TRIM17: variants seen among roughly 807,000 people sequenced by gnomAD.
TRIM17 encodes E3 ubiquitin-protein ligase TRIM17.
Under a neutral mutation model 35.8 loss-of-function variants are expected in TRIM17, and 27 were observed. The observed-to-expected ratio is 0.75, with a 90% CI of 0.56 to 1.04. The LOEUF is 1.04. Among genes scored for constraint, TRIM17 ranks in the 50% least tolerant of loss-of-function variants. TRIM17 has a pLI of 0.00. For synonymous variants in TRIM17, 246 were observed against 252.6 expected, an observed-to-expected ratio of 0.97 and a Z score of 0.25; for missense variants, 582 against 612.8, an observed-to-expected ratio of 0.95 and a Z score of 0.53.
In TRIM17 at chr1:228,416,688, G is replaced by A; in HGVS notation, c.-191C>T. On this transcript the variant is annotated 5_prime_UTR_variant, in exon 1 of 7. Transcript: ENST00000366698. ...GGTCGGGAGGCCTAGGGACTTTGTGGCGTCAGCGGGGGCTGGGGGGCGGCG... is the reference window on the plus strand; with the variant it reads ...GGTCGGGAGGCCTAGGGACTTTGTGACGTCAGCGGGGGCTGGGGGGCGGCG... 1.0e-6 allele frequency: 1 copy of A among 983,326 alleles called. No individual in the cohort carries two copies. Among genetic ancestry groups the A allele is most frequent in the South Asian group, 4.7e-5 (1 of 21,242 alleles). 60.9% of individuals were successfully genotyped at this position (983,326 alleles called of 1,614,324 possible).
intron 3 of TRIM17, among the ~76,000 whole-genome samples, chr1:228,413,083 C>T (rs1191834802): frequency 6.6e-6 from 1 of 151,812 alleles, no homozygotes; most frequent in African/African-American, 2.4e-5. Flanking sequence ...TGGTGGTGGG[C>T]ACCTATAGTC....
chr1:228,408,239 T>C lies in TRIM17; in HGVS notation c.1396A>G (p.Met466Val). ...FCLGAPKSGQ[M>V]VISTVTMWVK... The stretch of plus-strand genomic sequence containing the variant: ...CACATGGTCACTGTGGAGATGACCA[T>C]CTGACCAGACTTCGGAGCCCCCAGG... The change falls in exon 7 of 7, where the codon ATG (methionine) becomes GTG (valine). Residue 466 changes from methionine (M) to valine (V), a missense_variant. By Grantham distance (21) the Met-to-Val change is conservative. Coordinates refer to ENST00000366698, the MANE Select transcript of TRIM17 (RefSeq NM_016102.4). This position sits in a 1 kb window ranked among gnomAD's most constrained non-coding sequence, Gnocchi z 6.3. The C allele has an allele frequency of 6.4e-7, 1 of 1,559,770 alleles. No individual in the cohort carries two copies. The highest frequency in any genetic ancestry group is 8.7e-7 in the Non-Finnish European group (1 of 1,153,156).
rs1233962056 is a variant in TRIM17, at chr1:228,414,879, C to T, written c.194G>A (p.Cys65Tyr). ...KRKGSFPCPE[C>Y]REMSPQRNLL... Reference sequence around the variant, plus strand: ...GTTCCTCTGCGGGGACATCTCTCTGCACTCGGGGCAGGGGAAGGAGCCCTT... The same window carrying T: ...GTTCCTCTGCGGGGACATCTCTCTGTACTCGGGGCAGGGGAAGGAGCCCTT... Residue 65 changes from cysteine (C) to tyrosine (Y), a missense_variant, in exon 2 of 7, where the codon TGC becomes TAC. Physicochemically the swap from Cys to Tyr is radical, Grantham distance 194 (BLOSUM62 -2). Coordinates refer to ENST00000366698, the MANE Select transcript of TRIM17 (RefSeq NM_016102.4). 3 of 1,613,618 alleles carry T rather than the reference C, an allele frequency of 1.9e-6. No homozygotes were observed. The highest frequency in any genetic ancestry group is 2.2e-5 in the East Asian group (1 of 44,878).
In TRIM17 at chr1:228,408,124, G is replaced by T; in HGVS notation, c.*77C>A. ...GCCAGCGTGATGCCAGAGAACCCTGGCAGGTGGCCTGCAGTAAGCAGAAGG... is the reference window on the plus strand; with the variant it reads ...GCCAGCGTGATGCCAGAGAACCCTGTCAGGTGGCCTGCAGTAAGCAGAAGG... On this transcript the variant is annotated 3_prime_UTR_variant, in exon 7 of 7. Transcript: ENST00000366698. The surrounding 1 kb of genome is among the most constrained non-coding windows in gnomAD (Gnocchi z 6.3). 7.1e-7 allele frequency: 1 copy of T among 1,404,398 alleles called. No individual in the cohort carries two copies. Among genetic ancestry groups the T allele is most frequent in the Non-Finnish European group, 9.5e-7 (1 of 1,048,110 alleles). The allele number at this position is 1,404,398 out of a possible 1,614,324, so 87.0% of individuals were successfully genotyped here.
chr1:228,416,588 C>T lies in TRIM17; in HGVS notation c.-91G>A. 2 of 985,440 alleles carry T rather than the reference C, an allele frequency of 2.0e-6. No individual in the cohort carries two copies. The highest frequency in any genetic ancestry group is 4.7e-5 in the South Asian group (1 of 21,286). The allele number at this position is 985,440 out of a possible 1,614,324, so 61.0% of individuals were successfully genotyped here. On this transcript the variant is annotated 5_prime_UTR_variant, in exon 1 of 7. Transcript: ENST00000366698. ...CGCCTAGTGCACCTGGCCGAGCGCT[C>T]GCTGCCGGGAAAGGCTGGGTCTGCC... is the stretch of plus-strand genomic sequence containing the variant.
At chr1:228,414,599 A>C (rs1335524686) in intron 2 of TRIM17, 45 bp downstream of exon 2, 11 of 1,539,044 alleles carry the variant, frequency 7.1e-6, no homozygotes, top group Non-Finnish European at 9.8e-6. Flanking sequence ...GTCCCCCTGG[A>C]TGCCTCCTCC....
intron 1 of TRIM17, 168 bp downstream of exon 1, chr1:228,416,371 G>A: frequency 1.0e-6 from 1 of 985,564 alleles, no homozygotes; most frequent in Non-Finnish European, 1.2e-6. Flanking sequence ...GTCCGCTAGG[G>A]TCCCGGTAGA....
rs1656787977 is a variant in TRIM17, at chr1:228,411,532, G to A, written c.526-356C>T. Among the ~76,000 whole-genome samples the A allele has an allele frequency of 1.3e-5, 2 of 152,196 alleles. No individual in the cohort carries two copies. The highest frequency in any genetic ancestry group is 4.8e-5 in the African/African-American group (2 of 41,438). The stretch of plus-strand genomic sequence containing the variant: ...GACAGGGTCTCGCTCAGTTGCCCAG[G>A]CTGGAATGCAGTGGCACTTATTGCA... On this transcript the variant is annotated intron_variant, in intron 3 of 6. Transcript: ENST00000366698. This position sits in a 1 kb window ranked among gnomAD's most constrained non-coding sequence, Gnocchi z 4.2.
At chr1:228,409,623 G>A (rs1487940264) in intron 4 of TRIM17, 2 of 507,756 alleles carry the variant, frequency 3.9e-6, no homozygotes, top group Admixed American at 3.7e-5. Flanking sequence ...CCTAAGCTGA[G>A]CTACCCTGTC....
At position 228,416,772 on chromosome 1, in the gene TRIM17, T is replaced by C. The variant is rs566425461; in HGVS notation, c.-275A>G. 8,883 of 975,544 alleles carry C rather than the reference T, an allele frequency of 9.1e-3. 38 individuals are homozygous for C. Among genetic ancestry groups the C allele is most frequent in the Non-Finnish European group, 0.01 (8,525 of 826,812 alleles). 60.4% of individuals were successfully genotyped at this position (975,544 alleles called of 1,614,324 possible). On this transcript the variant is annotated 5_prime_UTR_variant, in exon 1 of 7. Transcript: ENST00000366698. ...CGGCCGGGACTGGGGCGGCGCCTCT[T>C]AGGAGAGGTTGGGGGTGGCTTGGGG...
chr1:228,416,641 G>C lies in TRIM17; in HGVS notation c.-144C>G. ...CACGAAGCCCAGGAGGCTGCGGCCC[G>C]GCCCGGGGCGTGGGGACCTGGGGTC... On this transcript the variant is annotated 5_prime_UTR_variant, in exon 1 of 7. Transcript: ENST00000366698. 1 of 985,340 alleles carries C rather than the reference G, an allele frequency of 1.0e-6. No individual in the cohort carries two copies. Among genetic ancestry groups the C allele is most frequent in the Non-Finnish European group, 1.2e-6 (1 of 830,030 alleles). The allele number at this position is 985,340 out of a possible 1,614,324, so 61.0% of individuals were successfully genotyped here. A position where few individuals can be genotyped will look rare whatever the true frequency, so the allele number is the denominator to read the frequency against.
intron 1 of TRIM17, chr1:228,415,321 C>T (rs1193861349): frequency 1.2e-5 from 6 of 490,674 alleles, no homozygotes; most frequent in African/African-American, 3.9e-5. Context: ...CAGGCCCCTC[C>T]GCCTCTCCTC....
chr1:228,409,784 A>T (rs1432858467), intron 4 of TRIM17: 6 of 134,784 alleles, frequency 4.5e-5, no homozygotes, highest in Middle Eastern at 3.0e-3. Context: ...AATTGGGTGC[A>T]GTTTGGGGAG....
intron 1 of TRIM17, 42 bp from the exon 2 acceptor site, chr1:228,415,155 G>A (rs1298332653): frequency 8.8e-6 from 13 of 1,472,416 alleles, no homozygotes; most frequent in East Asian, 4.8e-5. Context: ...TCTGGGCGCC[G>A]GCAGTGTGCA....
chr1:228,408,637 C>A lies in TRIM17; in HGVS notation c.998G>T (p.Arg333Leu), dbSNP rs757591425. The change falls in exon 7 of 7, where the codon CGA becomes CTA. Residue 333 changes from arginine (R) to leucine (L), a missense_variant. Physicochemically the swap from Arg to Leu is moderately radical, Grantham distance 102. Coordinates refer to ENST00000366698, the MANE Select transcript of TRIM17 (RefSeq NM_016102.4). The surrounding 1 kb of genome is among the most constrained non-coding windows in gnomAD (Gnocchi z 6.3). ...PEGSGFCSKD[R>L]FVAYPCAVGQ... ...CACAGCACAGGGGTAAGCCACAAAT[C>A]GGTCCTTGCTGCAGAACCCACTGCC... is the stretch of plus-strand genomic sequence containing the variant. 4 of 1,613,444 alleles carry A rather than the reference C, an allele frequency of 2.5e-6. No homozygotes were observed. Among genetic ancestry groups the A allele is most frequent in the Non-Finnish European group, 3.4e-6 (4 of 1,180,028 alleles).
At chr1:228,413,682 ACTTT>A in intron 3 of TRIM17, 111 bp downstream of exon 3, 1 of 798,884 alleles carries the variant, frequency 1.3e-6, no homozygotes, top group East Asian at 2.7e-5. Context: ...GGTAGAGGCA[ACTTT>A]CTTCTTTTCC....
Position 228,408,799 on chromosome 1 carries a change from T to G in TRIM17, c.884-48A>C, listed in dbSNP as rs1656604841. On this transcript the variant is annotated intron_variant, in intron 6 of 6. Coordinates refer to ENST00000366698, the MANE Select transcript of TRIM17 (RefSeq NM_016102.4). This position sits in a 1 kb window ranked among gnomAD's most constrained non-coding sequence, Gnocchi z 6.3. ...AGAGATGGGGAGAGGTGTGGGGCAT[T>G]CAGGGTCAAAGGTGGGAGTCCCCGG... is the stretch of plus-strand genomic sequence containing the variant. The G allele has an allele frequency of 4.5e-6, 7 of 1,566,286 alleles. No homozygotes were observed. The highest frequency in any genetic ancestry group is 6.0e-6 in the Non-Finnish European group (7 of 1,161,754).
At position 228,408,441 on chromosome 1, in the gene TRIM17, C is replaced by G. The variant is rs751728363; in HGVS notation, c.1194G>C (p.Lys398Asn). The change falls in exon 7 of 7, where the codon AAG becomes AAC. Residue 398 changes from lysine (K) to asparagine (N), a missense_variant. Coordinates refer to ENST00000366698, the MANE Select transcript of TRIM17 (RefSeq NM_016102.4). This position sits in a 1 kb window ranked among gnomAD's most constrained non-coding sequence, Gnocchi z 6.3. ...FWVVQLSKGT[K>N]YLSTFSALTP... ...TTAGGGCAGAGAAGGTGGATAAGTA[C>G]TTGGTCCCCTTGGACAGCTGCACCA... The G allele has an allele frequency of 4.3e-6, 7 of 1,614,204 alleles. No homozygotes were observed. Among genetic ancestry groups the G allele is most frequent in the Non-Finnish European group, 5.9e-6 (7 of 1,180,028 alleles).
chr1:228,416,423 G>T, intron 1 of TRIM17, 116 bp downstream of exon 1: 1 of 986,818 alleles, frequency 1.0e-6, no homozygotes, highest in South Asian at 4.7e-5. Flanking sequence ...GGGACGCGGC[G>T]GCCGGCGGAG....
Sources: gnomAD v4.1 joint callset for allele counts (sites outside exome capture counted in the v4.1 genomes callset) on GRCh38, gnomAD v4.1.1 for gene constraint, Gnocchi (gnomAD v3.1) non-coding constraint, MANE v1.5 for transcripts, NCBI Gene and HGNC (gene_info 2026-07-23, HGNC 2026-07-21) for gene names.